The following ARHGEF4 variants were observed in gnomAD, a reference collection of about 807,000 sequenced individuals.
The protein encoded by ARHGEF4 is Rho guanine nucleotide exchange factor 4.
ARHGEF4 carries 119 observed loss-of-function variants against 162.0 expected under a neutral mutation model. The ratio of observed to expected loss-of-function variants is 0.73; its 90% confidence interval spans 0.63 to 0.86. ARHGEF4 has a LOEUF of 0.86. Ranked by LOEUF, ARHGEF4 falls within the 40% of genes least tolerant of loss-of-function variation. The pLI is 0.00. For missense variants in ARHGEF4, 2,488 were observed against 2,456.0 expected (o/e 1.01, Z -0.28); for synonymous variants, 1,014 against 979.9 (o/e 1.03, Z -0.65).
intron 1 of ARHGEF4, among the ~76,000 whole-genome samples, chr2:130,860,429 C>G (rs1359769659): frequency 2.7e-5 from 2 of 73,240 alleles, no homozygotes; most frequent in Non-Finnish European, 4.6e-5. Context: ...GTGAGTTAGG[C>G]GGGGCACAGT....
At chr2:131,015,661 C>T (rs1217609874) in intron 4 of ARHGEF4, among the ~76,000 whole-genome samples, 4 of 152,200 alleles carry the variant, frequency 2.6e-5, no homozygotes, top group Admixed American at 6.5e-5. Flanking sequence ...AAGCCAAGGG[C>T]GGATCACCTG....
At chr2:131,023,250 G>A (rs2896506) in intron 4 of ARHGEF4, among the ~76,000 whole-genome samples, 126,890 of 151,872 alleles carry the variant, frequency 0.84, 55,834 homozygotes, top group Non-Finnish European at 0.97. Context: ...GCAACATAGC[G>A]AGACACCATC....
intron 4 of ARHGEF4, among the ~76,000 whole-genome samples, chr2:130,984,003 T>A (rs778515764): frequency 6.6e-6 from 1 of 152,140 alleles, no homozygotes; most frequent in Non-Finnish European, 1.5e-5. Flanking sequence ...TAACAATAAG[T>A]GTACATACAA....
intron 1 of ARHGEF4, among the ~76,000 whole-genome samples, chr2:130,886,680 C>CAA (rs36062652): frequency 9.5e-6 from 1 of 104,852 alleles, no homozygotes. Context: ...GACTCTGTCT[C>CAA]AAAAAAAAAA....
chr2:130,846,039 G>A (rs552759893), intron 1 of ARHGEF4, among the ~76,000 whole-genome samples: 34 of 152,084 alleles, frequency 2.2e-4, no homozygotes, highest in South Asian at 8.3e-4. Flanking sequence ...TTTATTGTGC[G>A]TCAGTTACAC....
intron 2 of ARHGEF4, among the ~76,000 whole-genome samples, chr2:130,918,549 C>G (rs887374444): frequency 2.6e-5 from 4 of 152,210 alleles, no homozygotes; most frequent in Non-Finnish European, 5.9e-5. Flanking sequence ...GGTGGCCTCT[C>G]GGGCGCTCCC....
intron 4 of ARHGEF4, among the ~76,000 whole-genome samples, chr2:131,026,080 C>G (rs1439553272): frequency 6.6e-6 from 1 of 152,168 alleles, no homozygotes; most frequent in Non-Finnish European, 1.5e-5. Flanking sequence ...GCAGACCCAG[C>G]TATCTAGAAT....
At chr2:130,909,328 G>C (rs540105261) in intron 1 of ARHGEF4, among the ~76,000 whole-genome samples, 1 of 152,178 alleles carries the variant, frequency 6.6e-6, no homozygotes, top group African/African-American at 2.4e-5. Flanking sequence ...TGGAACACGG[G>C]TCAGCAATAG....
At chr2:130,904,407 G>T (rs1289041122) in intron 1 of ARHGEF4, among the ~76,000 whole-genome samples, 1 of 152,224 alleles carries the variant, frequency 6.6e-6, no homozygotes, top group East Asian at 1.9e-4. Flanking sequence ...CCTGCTCTGG[G>T]GGGAGGGGAG....
At chr2:130,943,847 T>C (rs938204390) in intron 3 of ARHGEF4, among the ~76,000 whole-genome samples, 1 of 152,168 alleles carries the variant, frequency 6.6e-6, no homozygotes, top group African/African-American at 2.4e-5. Context: ...AGGAGAAAAA[T>C]GGTGTGTTAT....
chr2:131,002,709 CAAAAAAAAAAAAAAAAAAAAAAA>C (rs66979991), intron 4 of ARHGEF4, among the ~76,000 whole-genome samples: 7 of 53,218 alleles, frequency 1.3e-4, no homozygotes, highest in African/African-American at 5.4e-4. Context: ...GACTCCGTCT[CAAAAAAAAAAAAAAAAAAAAAAA>C]AAAAAAAAAG....
chr2:130,922,430 T>G (rs1436782430), intron 2 of ARHGEF4, among the ~76,000 whole-genome samples: 2 of 151,604 alleles, frequency 1.3e-5, no homozygotes, highest in Non-Finnish European at 2.9e-5. Context: ...TGGGACACAC[T>G]TCCAAGTTGC....
At chr2:130,870,247 C>T (rs1029019124) in intron 1 of ARHGEF4, among the ~76,000 whole-genome samples, 2 of 152,212 alleles carry the variant, frequency 1.3e-5, no homozygotes, top group African/African-American at 2.4e-5. Context: ...AAGGACAACG[C>T]TGAACAGACG....
In ARHGEF4 at chr2:131,044,366, AC is replaced by A; in HGVS notation, c.5227del (p.Leu1743TrpfsTer11). 6.2e-7 allele frequency: 1 copy of A among 1,602,294 alleles called. No individual in the cohort carries two copies. The highest frequency in any genetic ancestry group is 8.5e-7 in the Non-Finnish European group (1 of 1,174,716). On this transcript the variant is annotated frameshift_variant, in exon 12 of 14. Transcript: ENST00000409359. LOFTEE classifies it high-confidence loss of function. ...RLDMDGLEVV[D>X]LEDGKDRDLH... ...GACATGGACGGCCTGGAGGTGGTGGACCTGGAGGACGGGAAGGACAGAGACC... is the reference window on the plus strand; with the variant it reads ...GACATGGACGGCCTGGAGGTGGTGGACTGGAGGACGGGAAGGACAGAGACC...
At position 130,916,477 on chromosome 2, in the gene ARHGEF4, A is replaced by G. The variant is rs960038717; in HGVS notation, c.2531A>G (p.Asp844Gly). Residue 844 changes from aspartate (D) to glycine (G), a missense_variant, in exon 2 of 14, where the codon GAC (aspartate) becomes GGC (glycine). By Grantham distance (94) the Asp-to-Gly change is moderately conservative. This residue lies in a region of ARHGEF4 where 1,642 missense variants were observed against 1,481.5 expected (regional missense o/e 1.11). Coordinates refer to ENST00000409359, the MANE Select transcript of ARHGEF4 (RefSeq NM_001367493.1). ...RENPPAAAGR[D>G]APPLHHGDAS... ...AATCCGCCCGCTGCGGCCGGTCGGG[A>G]CGCACCGCCTCTGCACCACGGGGAC... is the stretch of plus-strand genomic sequence containing the variant. The G allele has an allele frequency of 6.5e-7, 1 of 1,545,254 alleles. No individual in the cohort carries two copies. Among genetic ancestry groups the G allele is most frequent in the Non-Finnish European group, 8.7e-7 (1 of 1,146,336 alleles).
At position 131,027,958 on chromosome 2, in the gene ARHGEF4, A is replaced by G. The variant is rs1689588440; in HGVS notation, c.3999A>G (p.Gly1333=). ...EHTPGTAMPD[G]ALDTAVCADE... is the part of the protein sequence containing the mutation. ...CTCTCCTTCCAGCCATGCCTGATGG[A>G]GCTCTGGACACAGCTGTCTGCGCTG... is the stretch of plus-strand genomic sequence containing the variant. Residue 1333 remains glycine, a synonymous_variant, in exon 5 of 14, where the codon GGA becomes GGG. Transcript: ENST00000409359. 6.2e-7 allele frequency: 1 copy of G among 1,613,692 alleles called. No individual in the cohort carries two copies. Among genetic ancestry groups the G allele is most frequent in the African/African-American group, 1.3e-5 (1 of 74,852 alleles).
At chr2:130,936,193 G>A (rs1326196410) in intron 3 of ARHGEF4, among the ~76,000 whole-genome samples, 1 of 152,202 alleles carries the variant, frequency 6.6e-6, no homozygotes, top group African/African-American at 2.4e-5. Context: ...GTATATGTCT[G>A]TTAGTTTTAA....
chr2:130,932,936 G>A (rs557165547), intron 3 of ARHGEF4, among the ~76,000 whole-genome samples: 3 of 152,224 alleles, frequency 2.0e-5, no homozygotes, highest in East Asian at 1.9e-4. Context: ...CAACTTACCC[G>A]CCAGGCGCAA....
At chr2:130,928,665 A>C (rs1682451219) in intron 2 of ARHGEF4, among the ~76,000 whole-genome samples, 1 of 152,178 alleles carries the variant, frequency 6.6e-6, no homozygotes, top group Admixed American at 6.5e-5. Flanking sequence ...TTCTTTAGAT[A>C]GCTTCCTGTG....
Sources: allele counts gnomAD v4.1 joint callset (sites outside exome capture counted in the v4.1 genomes callset), GRCh38; gene constraint gnomAD v4.1.1; regional missense constraint gnomAD v4.1.1; transcripts MANE v1.5; gene names NCBI Gene and HGNC (gene_info 2026-07-23, HGNC 2026-07-21).